The following FES variants were observed in gnomAD, a reference collection of about 807,000 sequenced individuals.
FES encodes tyrosine-protein kinase Fes/Fps.
FES carries 83 observed loss-of-function variants against 109.6 expected under a neutral mutation model. The observed-to-expected ratio is 0.76, with a 90% confidence interval of 0.63 to 0.91. FES has a LOEUF of 0.91. Among genes scored for constraint, FES ranks in the 40% least tolerant of loss-of-function variants. The pLI is 0.00. For missense variants in FES, 943 were observed against 1,070.9 expected, an observed-to-expected ratio of 0.88 and a Z score of 1.67; for synonymous variants, 458 against 442.1, an observed-to-expected ratio of 1.04 and a Z score of -0.45.
chr15:90,890,218 C>G lies in FES; in HGVS notation c.1176C>G (p.Gly392=), dbSNP rs944143568. 1.9e-6 allele frequency: 3 copies of G among 1,600,344 alleles called. No homozygotes were observed. The highest frequency in any genetic ancestry group is 2.5e-6 in the Non-Finnish European group (3 of 1,178,794). Residue 392 remains glycine (G), a synonymous_variant, in exon 9 of 19, where the codon GGC becomes GGG. Transcript: ENST00000328850. ...TGCAGACCAAGCTGGAGCACCTGGG[C>G]CCCGGCGAGCCCCCGCCTGTGCTGC... is the stretch of plus-strand genomic sequence containing the variant. ...ELLQTKLEHL[G]PGEPPPVLLL... is the part of the protein sequence containing the mutation.
chr15:90,894,998 T>C (rs879600294), intron 18 of FES, among the ~76,000 whole-genome samples: 7 of 151,244 alleles, frequency 4.6e-5, no homozygotes, highest in Non-Finnish European at 1.0e-4. Flanking sequence ...ACCTGGGAGG[T>C]GGAGGTTGCA....
At chr15:90,885,381 C>G (rs186613395) in intron 2 of FES, 31 bp from the exon 3 acceptor site, 201 of 1,599,212 alleles carry the variant, frequency 1.3e-4, no homozygotes, top group African/African-American at 2.4e-4. Flanking sequence ...ATTGTGCCCC[C>G]CTCCCTGCCT....
In FES at chr15:90,893,964, G is replaced by A; in HGVS notation, c.2232G>A (p.Trp744Ter). ...YGRYSSESDV[W>*]SFGILLWETF... ...GCTACTCCTCCGAAAGCGACGTGTG[G>A]AGCTTTGGCATCTTGCTCTGGGAGA... Residue 744 changes from tryptophan to a stop codon, truncating the protein, a stop_gained, in exon 18 of 19, where the codon TGG (tryptophan) becomes TGA (stop). Coordinates refer to ENST00000328850, the MANE Select transcript of FES (RefSeq NM_002005.4). LOFTEE classifies it high-confidence loss of function. The A allele has an allele frequency of 1.2e-6, 2 of 1,613,858 alleles. No individual in the cohort carries two copies. Among genetic ancestry groups the A allele is most frequent in the Non-Finnish European group, 1.7e-6 (2 of 1,180,014 alleles).
intron 10 of FES, 142 bp from the exon 11 acceptor site, chr15:90,890,839 AG>A: frequency 1.2e-6 from 1 of 849,416 alleles, no homozygotes; most frequent in Non-Finnish European, 1.8e-6. Flanking sequence ...TGCCCACTCC[AG>A]GGGCCTGTGG....
intron 5 of FES, among the ~76,000 whole-genome samples, chr15:90,887,837 G>A (rs1457270134): frequency 3.9e-5 from 6 of 152,216 alleles, no homozygotes; most frequent in Admixed American, 3.9e-4. Context: ...GAGGGGTACG[G>A]GAGTGAATCA....
In FES at chr15:90,892,912, G is replaced by T. The variant is rs550151824; in HGVS notation, c.1826+87G>T. ...CAGTGTGAAGTGCTTGACCACCGTG[G>T]TGGTGTTTAGTCCTCGAGGCCCCCC... On this transcript the variant is annotated intron_variant, in intron 14 of 18. Transcript: ENST00000328850. 144 of 1,447,540 alleles carry T rather than the reference G, an allele frequency of 9.9e-5. 4 individuals carry two copies. The South Asian group carries it at 1.6e-3, about 16-fold the overall frequency. 89.7% of individuals were successfully genotyped at this position (1,447,540 alleles called of 1,614,324 possible). A position where few individuals can be genotyped will look rare whatever the true frequency, so the allele number is the denominator to read the frequency against.
At chr15:90,891,320 G>A (rs1314385028) in intron 11 of FES, 129 bp downstream of exon 11, 2 of 1,219,406 alleles carry the variant, frequency 1.6e-6, no homozygotes, top group Non-Finnish European at 1.1e-6. Flanking sequence ...AGGGCTGGCT[G>A]GAAGGGGCCA....
intron 18 of FES, 114 bp downstream of exon 18, chr15:90,894,172 C>G: frequency 7.7e-7 from 1 of 1,291,926 alleles, no homozygotes; most frequent in Non-Finnish European, 1.1e-6. Flanking sequence ...TAAGAATAAC[C>G]TGGCCAGTTG....
Position 90,890,135 on chromosome 15 carries a change from C to G in FES, c.1093C>G (p.Gln365Glu). The G allele has an allele frequency of 1.9e-6, 3 of 1,585,044 alleles. No individual in the cohort carries two copies. The highest frequency in any genetic ancestry group is 2.6e-6 in the Non-Finnish European group (3 of 1,170,716). The change falls in exon 9 of 19, where the codon CAG becomes GAG. Residue 365 changes from glutamine (Q) to glutamate (E), a missense_variant. Coordinates refer to ENST00000328850, the MANE Select transcript of FES (RefSeq NM_002005.4). ...GKRQVLQEALQGLQVALCSQA... is the reference protein window; with the variant it reads ...GKRQVLQEALEGLQVALCSQA... ...GAGGCAAGTGCTGCAAGAAGCACTG[C>G]AGGGGCTGCAGGTAGCGCTGTGCAG... is the stretch of plus-strand genomic sequence containing the variant.
chr15:90,890,213 C>T lies in FES; in HGVS notation c.1171C>T (p.Leu391=). The T allele has an allele frequency of 6.2e-7, 1 of 1,601,324 alleles. No homozygotes were observed. The highest frequency in any genetic ancestry group is 8.5e-7 in the Non-Finnish European group (1 of 1,179,032). Residue 391 remains leucine (L), a synonymous_variant, in exon 9 of 19, where the codon CTG becomes TTG. Coordinates refer to ENST00000328850, the MANE Select transcript of FES (RefSeq NM_002005.4). ...QELLQTKLEH[L]GPGEPPPVLL... ...GTTGCTGCAGACCAAGCTGGAGCACCTGGGCCCCGGCGAGCCCCCGCCTGT... is the reference window on the plus strand; with the variant it reads ...GTTGCTGCAGACCAAGCTGGAGCACTTGGGCCCCGGCGAGCCCCCGCCTGT...
chr15:90,889,656 C>G lies in FES; in HGVS notation c.926+20C>G. 1 of 1,611,944 alleles carries G rather than the reference C, an allele frequency of 6.2e-7. No individual in the cohort carries two copies. On this transcript the variant is annotated intron_variant, in intron 7 of 18. Coordinates refer to ENST00000328850, the MANE Select transcript of FES (RefSeq NM_002005.4). This position sits in a 1 kb window ranked among gnomAD's most constrained non-coding sequence, Gnocchi z 6.1. Reference sequence around the variant, plus strand: ...GCACACGTGGGTGGTGGCTTTGCACCTGGGCTGCGGCGGGGCTCCCAGCAG... The same window carrying G: ...GCACACGTGGGTGGTGGCTTTGCACGTGGGCTGCGGCGGGGCTCCCAGCAG...
intron 11 of FES, 71 bp downstream of exon 11, chr15:90,891,262 G>T: frequency 6.6e-7 from 1 of 1,505,588 alleles, no homozygotes; most frequent in South Asian, 1.2e-5. Context: ...AAGGGAAATG[G>T]CCTTTCAGGG....
chr15:90,885,557 G>GGCAGCAGCT lies in FES; in HGVS notation c.367_375dup (p.Leu123_Gln125dup). The GGCAGCAGCT allele has an allele frequency of 6.2e-7, 1 of 1,613,100 alleles. No homozygotes were observed. Among genetic ancestry groups the GGCAGCAGCT allele is most frequent in the Non-Finnish European group, 8.5e-7 (1 of 1,179,966 alleles). ...CTTCGCAAGACCTACAGCGAGCAGTGGCAGCAGCTGCAGCAGGAGCTCACC... is the reference window on the plus strand; with the variant it reads ...CTTCGCAAGACCTACAGCGAGCAGTGGCAGCAGCTGCAGCAGCTGCAGCAGGAGCTCACC... On this transcript the variant is annotated inframe_insertion, in exon 3 of 19. Transcript: ENST00000328850.
intron 17 of FES, 34 bp downstream of exon 17, chr15:90,893,845 C>A: frequency 6.3e-7 from 1 of 1,597,946 alleles, no homozygotes; most frequent in Non-Finnish European, 8.5e-7. Context: ...GACTCCATGG[C>A]CAGAGGCCAG....
At chr15:90,888,813 C>T (rs1038018315) in intron 5 of FES, among the ~76,000 whole-genome samples, 1 of 151,676 alleles carries the variant, frequency 6.6e-6, no homozygotes. Context: ...TAGTCTCATT[C>T]TTTCGCCAGG....
At chr15:90,884,647 T>G in intron 1 of FES, 103 bp downstream of exon 1, 1 of 166,082 alleles carries the variant, frequency 6.0e-6, no homozygotes, top group Non-Finnish European at 1.3e-5. Context: ...CAGGTGGGGG[T>G]AGGGGCCGCG....
At position 90,890,995 on chromosome 15, in the gene FES, T is replaced by A; in HGVS notation, c.1334T>A (p.Leu445Gln). The A allele has an allele frequency of 6.3e-7, 1 of 1,587,926 alleles. No individual in the cohort carries two copies. The highest frequency in any genetic ancestry group is 8.6e-7 in the Non-Finnish European group (1 of 1,167,048). Residue 445 changes from leucine to glutamine, a missense_variant, in exon 11 of 19, where the codon CTG (leucine) becomes CAG (glutamine). Physicochemically the swap from Leu to Gln is moderately radical, Grantham distance 113. Transcript: ENST00000328850. The part of the protein sequence containing the change: ...FRPKFSLPPP[L>Q]QLIPEVQKPL... ...TCCCTTGCCCAGCTCCCTCCACCGC[T>A]GCAGCTCATTCCGGAGGTGCAGAAG...
At chr15:90,884,967 T>C (rs2071382) in intron 1 of FES, 70 bp from the exon 2 acceptor site, 710,448 of 1,293,430 alleles carry the variant, frequency 0.55, 199,798 homozygotes, top group East Asian at 0.83. Flanking sequence ...CAGTCCCCAG[T>C]CTCCTCGTCC....
rs1262866586 is a variant in FES at position 90,893,044 on chromosome 15, G to A, written c.1827-56G>A. The A allele has an allele frequency of 6.4e-6, 10 of 1,566,562 alleles. No individual in the cohort carries two copies. The South Asian group carries it at 6.8e-5, about 11-fold the overall frequency. ...CAAGCTCTTCTCCCATCATCCCTGGGGGGCCCTGGGGAGGCGGGCCTGGCC... is the reference window on the plus strand; with the variant it reads ...CAAGCTCTTCTCCCATCATCCCTGGAGGGCCCTGGGGAGGCGGGCCTGGCC... On this transcript the variant is annotated intron_variant, in intron 14 of 18. Transcript: ENST00000328850.
Sources: allele counts gnomAD v4.1 joint callset (sites outside exome capture counted in the v4.1 genomes callset), GRCh38; gene constraint gnomAD v4.1.1; non-coding constraint Gnocchi (gnomAD v3.1); transcripts MANE v1.5; gene names NCBI Gene and HGNC (gene_info 2026-07-23, HGNC 2026-07-21).